VGLL4: variants seen among roughly 807,000 people sequenced by gnomAD.
VGLL4 encodes vestigial like family member 4, also known as transcription cofactor vestigial-like protein 4.
VGLL4 carries 7 observed loss-of-function variants against 21.0 expected under a neutral mutation model. That is an observed-to-expected ratio of 0.33 (90% confidence interval 0.19 to 0.63). The LOEUF is 0.63. Ranked by LOEUF, VGLL4 falls within the 20% of genes least tolerant of loss-of-function variation. The pLI is 0.78. For synonymous variants in VGLL4, 222 were observed against 173.2 expected (o/e 1.28, Z -2.21); for missense variants, 394 against 425.7 (o/e 0.93, Z 0.66).
chr3:11,622,386 T>C (rs1329210621), intron 1 of VGLL4, among the ~76,000 whole-genome samples: 1 of 149,012 alleles, frequency 6.7e-6, no homozygotes, highest in Non-Finnish European at 1.5e-5. Flanking sequence ...ATTCAATCTG[T>C]CTTCCCAATG....
intron 2 of VGLL4, chr3:11,671,382 T>G (rs1466250702): frequency 3.1e-6 from 3 of 966,880 alleles, no homozygotes; most frequent in Non-Finnish European, 5.0e-6. Context: ...TTCTAACAAG[T>G]TCCCAGGTGA....
At chr3:11,573,256 A>C (rs1262585900) in intron 2 of VGLL4, among the ~76,000 whole-genome samples, 2 of 7,628 alleles carry the variant, frequency 2.6e-4, no homozygotes, top group Admixed American at 3.9e-3. Context: ...AGAAAGAAAG[A>C]AAGAAAGAAA....
At position 11,578,751 on chromosome 3, in the gene VGLL4, T is replaced by TTTTC. The variant is rs1401381641; in HGVS notation, c.273-13733_273-13732insGAAA. Among the ~76,000 whole-genome samples, 14 of 132,716 alleles carry TTTTC rather than the reference T, an allele frequency of 1.1e-4. 2 individuals are homozygous for TTTTC. The East Asian group carries it at 1.9e-3, about 18-fold the overall frequency. The allele number at this position is 132,716 out of a possible 152,430, so 87.1% of individuals were successfully genotyped here. The stretch of plus-strand genomic sequence containing the variant: ...TGAGGCATCTACTGTATATTTTCTT[T>TTTTC]TTTTTTTTTTTTTTTTGAGATGGAG... On this transcript the variant is annotated intron_variant, in intron 2 of 4. Transcript: ENST00000430365.
At chr3:11,651,027 C>A (rs1157848900) in intron 2 of VGLL4, among the ~76,000 whole-genome samples, 1 of 152,082 alleles carries the variant, frequency 6.6e-6, no homozygotes, top group Non-Finnish European at 1.5e-5. Context: ...ATTACTAAGA[C>A]AAGGTTGTAA....
At chr3:11,670,581 T>C (rs1188681142) in intron 2 of VGLL4, among the ~76,000 whole-genome samples, 1 of 152,194 alleles carries the variant, frequency 6.6e-6, no homozygotes, top group African/African-American at 2.4e-5. Context: ...GCATTACATA[T>C]AAGTAATATA....
At chr3:11,637,787 T>C (rs2075616033) in intron 1 of VGLL4, among the ~76,000 whole-genome samples, 1 of 152,106 alleles carries the variant, frequency 6.6e-6, no homozygotes, top group African/African-American at 2.4e-5. Context: ...CTTTTAAAAA[T>C]AAGCAACCAC....
At chr3:11,612,652 T>A (rs922208300) in intron 1 of VGLL4, 1 of 152,194 alleles carries the variant, frequency 6.6e-6, no homozygotes, top group East Asian at 1.9e-4. Flanking sequence ...GGCCTCTGAG[T>A]AAACTAGGAA....
intron 1 of VGLL4, among the ~76,000 whole-genome samples, chr3:11,635,662 G>A (rs1387929096): frequency 6.6e-6 from 1 of 152,148 alleles, no homozygotes; most frequent in Non-Finnish European, 1.5e-5. Flanking sequence ...ACCAGTATCA[G>A]CCCTCTTTTA....
At chr3:11,718,710 G>A (rs2076951211) in intron 1 of VGLL4, among the ~76,000 whole-genome samples, 1 of 152,072 alleles carries the variant, frequency 6.6e-6, no homozygotes, top group Non-Finnish European at 1.5e-5. Flanking sequence ...CACAAACTGG[G>A]AGACAGTGCC....
rs776380163 is a variant in VGLL4 at position 11,565,062 on chromosome 3, G to T, written c.273-43C>A. 6.9e-7 allele frequency: 1 copy of T among 1,452,460 alleles called. No individual in the cohort carries two copies. Among genetic ancestry groups the T allele is most frequent in the Non-Finnish European group, 9.1e-7 (1 of 1,099,680 alleles). The allele number at this position is 1,452,460 out of a possible 1,614,324, so 90.0% of individuals were successfully genotyped here. A position where few individuals can be genotyped will look rare whatever the true frequency, so the allele number is the denominator to read the frequency against. On this transcript the variant is annotated intron_variant, in intron 2 of 4. Coordinates refer to ENST00000430365, the MANE Select transcript of VGLL4 (RefSeq NM_001128219.3). The surrounding 1 kb of genome is among the most constrained non-coding windows in gnomAD (Gnocchi z 4.1). ...GCATTCAGGGGGCGTTTTCTCAAAG[G>T]CAAAGGGGACAGTGACTGTGCGCCA...
At chr3:11,614,039 T>C (rs1266160024) in intron 1 of VGLL4, among the ~76,000 whole-genome samples, 1 of 152,198 alleles carries the variant, frequency 6.6e-6, no homozygotes, top group Non-Finnish European at 1.5e-5. Flanking sequence ...TTTCCACATG[T>C]GTGAAAATGG....
intron 2 of VGLL4, among the ~76,000 whole-genome samples, chr3:11,666,156 G>T (rs796522873): frequency 2.6e-5 from 4 of 152,044 alleles, no homozygotes; most frequent in African/African-American, 9.6e-5. Flanking sequence ...GGAGGCTGAG[G>T]CAGGAGAGTG....
intron 2 of VGLL4, among the ~76,000 whole-genome samples, chr3:11,592,616 A>G (rs2074527756): frequency 6.6e-6 from 1 of 152,220 alleles, no homozygotes. Flanking sequence ...ATCAGGCATT[A>G]GGGTCCAGTA....
chr3:11,661,435 T>TTTATTTA (rs2076036247), intron 2 of VGLL4, among the ~76,000 whole-genome samples: 13 of 148,120 alleles, frequency 8.8e-5, no homozygotes, highest in South Asian at 8.5e-4. Context: ...ACATTTTTCC[T>TTTATTTA]TTTATTTATT....
intron 2 of VGLL4, among the ~76,000 whole-genome samples, chr3:11,593,474 CT>C (rs771160675): frequency 3.3e-5 from 5 of 152,210 alleles, no homozygotes; most frequent in African/African-American, 1.2e-4. Context: ...TTCCTCCAAC[CT>C]TTTGTTAAGC....
intron 2 of VGLL4, among the ~76,000 whole-genome samples, chr3:11,696,318 G>A (rs1348559795): frequency 6.6e-6 from 1 of 152,118 alleles, no homozygotes; most frequent in African/African-American, 2.4e-5. Flanking sequence ...TTATTCCTGG[G>A]TTTTAGAGTC....
In VGLL4 at chr3:11,568,978, G is replaced by A. The variant is rs1256556542; in HGVS notation, c.273-3959C>T. 10 of 1,155,344 alleles carry A rather than the reference G, an allele frequency of 8.7e-6. No homozygotes were observed. The African/African-American group carries it at 1.4e-4, about 17-fold the overall frequency. The allele number at this position is 1,155,344 out of a possible 1,614,324, so 71.6% of individuals were successfully genotyped here. A position where few individuals can be genotyped will look rare whatever the true frequency, so the allele number is the denominator to read the frequency against. ...GATGGAAAGAGGAGGGAGGGAAAGA[G>A]AGGCCTACAACACCATCATCCAGGA... On this transcript the variant is annotated intron_variant, in intron 2 of 4. Coordinates refer to ENST00000430365, the MANE Select transcript of VGLL4 (RefSeq NM_001128219.3). The surrounding 1 kb of genome is among the most constrained non-coding windows in gnomAD (Gnocchi z 5.9).
At chr3:11,628,549 G>A (rs919001237) in intron 1 of VGLL4, among the ~76,000 whole-genome samples, 7 of 152,166 alleles carry the variant, frequency 4.6e-5, no homozygotes, top group African/African-American at 1.4e-4. Context: ...GGCCGGGCGC[G>A]GTGGCTCACG....
intron 1 of VGLL4, among the ~76,000 whole-genome samples, chr3:11,635,899 C>T (rs140865990): frequency 1.3e-5 from 2 of 152,246 alleles, no homozygotes; most frequent in African/African-American, 4.8e-5. Context: ...AGATCATTCT[C>T]GTGGGTGATT....
Sources: gnomAD v4.1 joint callset for allele counts (sites outside exome capture counted in the v4.1 genomes callset) on GRCh38, gnomAD v4.1.1 for gene constraint, Gnocchi (gnomAD v3.1) non-coding constraint, MANE v1.5 for transcripts, NCBI Gene and HGNC (gene_info 2026-07-23, HGNC 2026-07-21) for gene names.